Variants in SHCBP1L observed in about 807,000 individuals in gnomAD.
SHCBP1L encodes SHC binding and spindle associated 1 like.
In SHCBP1L, 67 loss-of-function variants were observed where a neutral mutation model predicts 62.5. That is an observed-to-expected ratio of 1.07 (90% CI 0.88 to 1.31). The LOEUF (loss-of-function observed/expected upper bound fraction) is 1.31, where lower values mean the gene tolerates loss of function less well. SHCBP1L is among the 40% of genes most tolerant of loss of function. The probability of loss-of-function intolerance (pLI) is 0.00; values close to 1 mark genes in which losing one functional copy is unlikely to be tolerated. For synonymous variants in SHCBP1L, 284 were observed against 289.4 expected (o/e 0.98, Z 0.19); for missense variants, 823 against 809.8 (o/e 1.02, Z -0.20).
chr1:182,948,147 T>A (rs761907702), intron 2 of SHCBP1L, among the ~76,000 whole-genome samples: 3 of 152,216 alleles, frequency 2.0e-5, no homozygotes, highest in Non-Finnish European at 4.4e-5. Flanking sequence ...TCAAAAGTTA[T>A]ACACGGATTT....
chr1:182,924,753 AAAG>A (rs1358387809), intron 6 of SHCBP1L, among the ~76,000 whole-genome samples: 1 of 107,422 alleles, frequency 9.3e-6, no homozygotes, highest in African/African-American at 6.4e-5. Context: ...AGAAAGAAAG[AAAG>A]AAAGAAAGAA....
chr1:182,939,591 C>A, intron 3 of SHCBP1L, 38 bp from the exon 4 acceptor site: 1 of 1,434,774 alleles, frequency 7.0e-7, no homozygotes, highest in Non-Finnish European at 9.5e-7. Flanking sequence ...TAATCAAAAA[C>A]AGCCACTACT....
intron 6 of SHCBP1L, among the ~76,000 whole-genome samples, chr1:182,906,128 G>T (rs1390381740): frequency 6.6e-6 from 1 of 152,042 alleles, no homozygotes; most frequent in African/African-American, 2.4e-5. Context: ...TAGAGACGGG[G>T]TTTCTCCATG....
intron 6 of SHCBP1L, among the ~76,000 whole-genome samples, chr1:182,925,248 T>C (rs1404883865): frequency 6.6e-6 from 1 of 152,064 alleles, no homozygotes; most frequent in Non-Finnish European, 1.5e-5. Context: ...TGAAAAAGCC[T>C]AAGGAATGGG....
intron 2 of SHCBP1L, among the ~76,000 whole-genome samples, chr1:182,947,422 C>T (rs1269076406): frequency 6.6e-5 from 10 of 152,122 alleles, no homozygotes; most frequent in African/African-American, 2.2e-4. Flanking sequence ...TGCTAAACTG[C>T]TTTGTACAGA....
intron 5 of SHCBP1L, among the ~76,000 whole-genome samples, chr1:182,936,821 G>A (rs1418665410): frequency 6.6e-6 from 1 of 151,960 alleles, no homozygotes; most frequent in Non-Finnish European, 1.5e-5. Context: ...GGTCGAGGTG[G>A]GAGGATCACT....
chr1:182,924,788 G>GAAAGAAAGAAAGAA (rs1414052337), intron 6 of SHCBP1L, among the ~76,000 whole-genome samples: 31 of 93,024 alleles, frequency 3.3e-4, no homozygotes, highest in South Asian at 4.1e-4. Context: ...AAGAAAGAAA[G>GAAAGAAAGAAAGAA]AGAGAAAGAA....
rs1283700642 is a variant in SHCBP1L, at chr1:182,902,087, G to A, written c.1710+952C>T. The stretch of plus-strand genomic sequence containing the variant: ...TTTTTTTTTTTTTTTTTGAGACAGA[G>A]TCTCAATCTGTCACCCAGGCTGGAG... On this transcript the variant is annotated intron_variant, in intron 9 of 9. Transcript: ENST00000367547. Among the ~76,000 whole-genome samples, 3 of 129,274 alleles carry A rather than the reference G, an allele frequency of 2.3e-5. No individual in the cohort carries two copies. In the Admixed American group the frequency reaches 2.6e-4, roughly 11 times the overall value. The allele number at this position is 129,274 out of a possible 152,430, so 84.8% of individuals were successfully genotyped here.
intron 6 of SHCBP1L, among the ~76,000 whole-genome samples, chr1:182,911,980 C>T (rs115896354): frequency 6.6e-5 from 10 of 152,352 alleles, no homozygotes; most frequent in African/African-American, 2.4e-4. Context: ...CACCTCCTGA[C>T]TCATAACTTC....
Position 182,938,448 on chromosome 1 carries a change from A to C in SHCBP1L, c.1076+728T>G, listed in dbSNP as rs147085559. On this transcript the variant is annotated intron_variant, in intron 5 of 9. Transcript: ENST00000367547. ...TTTTCTTTTAAGAGACAGGGTCAAA[A>C]AAACAAACAAACAACAACAACAACA... is the stretch of plus-strand genomic sequence containing the variant. 2.1e-4 allele frequency among the ~76,000 whole-genome samples: 32 copies of C among 150,054 alleles called. No homozygotes were observed. The East Asian group carries it at 4.8e-3, about 23-fold the overall frequency.
chr1:182,927,088 A>AC (rs1159408145), intron 6 of SHCBP1L, among the ~76,000 whole-genome samples: 2 of 32,868 alleles, frequency 6.1e-5, no homozygotes, highest in Non-Finnish European at 1.1e-4. Flanking sequence ...ATATATATAT[A>AC]TATATATATA....
At chr1:182,938,012 G>T (rs1324299844) in intron 5 of SHCBP1L, among the ~76,000 whole-genome samples, 1 of 152,152 alleles carries the variant, frequency 6.6e-6, no homozygotes, top group Non-Finnish European at 1.5e-5. Flanking sequence ...TATTAATCTG[G>T]CTAGGTTGTG....
intron 6 of SHCBP1L, among the ~76,000 whole-genome samples, chr1:182,919,909 T>C (rs1013478802): frequency 6.6e-6 from 1 of 151,750 alleles, no homozygotes; most frequent in Non-Finnish European, 1.5e-5. Flanking sequence ...TACCACATCA[T>C]CCCCCACTGC....
intron 6 of SHCBP1L, among the ~76,000 whole-genome samples, chr1:182,907,992 T>C (rs889484940): frequency 2.6e-5 from 4 of 152,234 alleles, no homozygotes; most frequent in African/African-American, 7.2e-5. Flanking sequence ...TTTATATAGA[T>C]ATTTCCTTCT....
At chr1:182,930,703 G>GTGTGTATATATATATA (rs1463256863) in intron 5 of SHCBP1L, among the ~76,000 whole-genome samples, 1 of 14,282 alleles carries the variant, frequency 7.0e-5, no homozygotes, top group African/African-American at 2.0e-4. Flanking sequence ...GTGTGTGTGT[G>GTGTGTATATATATATA]TATATATATA....
In SHCBP1L at chr1:182,940,496, A is replaced by G. The variant is rs752962649; in HGVS notation, c.603T>C (p.Thr201=). 1.4e-5 allele frequency: 22 copies of G among 1,613,906 alleles called. No individual in the cohort carries two copies. The highest frequency in any genetic ancestry group is 1.8e-5 in the Non-Finnish European group (21 of 1,179,964). ...AAGAAAAGGGCTCAGCAACAGAAACAGTAACTTTGAAACGAGATGATGAGT... is the reference window on the plus strand; with the variant it reads ...AAGAAAAGGGCTCAGCAACAGAAACGGTAACTTTGAAACGAGATGATGAGT... The part of the protein sequence containing the change: ...YQDSSSRFKV[T]VSVAEPFSSN... Residue 201 remains threonine (T), a synonymous_variant, in exon 3 of 10, where the codon ACT becomes ACC. Coordinates refer to ENST00000367547, the MANE Select transcript of SHCBP1L (RefSeq NM_030933.4).
rs1041428459 is a variant in SHCBP1L at position 182,916,503 on chromosome 1, T to A, written c.1183-10854A>T. ...AGGCACAAACAACTAAAATCAGATATGAAGGTAGATACATTACTACTGACC... is the reference window on the plus strand; with the variant it reads ...AGGCACAAACAACTAAAATCAGATAAGAAGGTAGATACATTACTACTGACC... On this transcript the variant is annotated intron_variant, in intron 6 of 9. Coordinates refer to ENST00000367547, the MANE Select transcript of SHCBP1L (RefSeq NM_030933.4). 1.8e-4 allele frequency among the ~76,000 whole-genome samples: 27 copies of A among 152,062 alleles called. 1 individual carries two copies. The highest frequency in any genetic ancestry group is 1.8e-3 in the Admixed American group (27 of 15,272).
chr1:182,917,201 A>G (rs977597579), intron 6 of SHCBP1L, among the ~76,000 whole-genome samples: 1 of 152,238 alleles, frequency 6.6e-6, no homozygotes, highest in Admixed American at 6.5e-5. Context: ...TTTGAATATA[A>G]ATGCAAAAAT....
chr1:182,910,296 A>G (rs151232037), intron 6 of SHCBP1L, among the ~76,000 whole-genome samples: 1 of 152,266 alleles, frequency 6.6e-6, no homozygotes, highest in East Asian at 1.9e-4. Flanking sequence ...TTACCCACCT[A>G]CCATCCCCCA....
Sources: allele counts gnomAD v4.1 joint callset (sites outside exome capture counted in the v4.1 genomes callset), GRCh38; gene constraint gnomAD v4.1.1; transcripts MANE v1.5; gene names NCBI Gene and HGNC (gene_info 2026-07-23, HGNC 2026-07-21).